Variants in DPP9 observed in about 807,000 individuals in gnomAD.
The protein encoded by DPP9 is dipeptidyl peptidase IV-related protein-2.
Under a neutral mutation model 110.7 loss-of-function variants are expected in DPP9, and 50 were observed. The observed-to-expected ratio is 0.45, with a 90% CI of 0.36 to 0.57. DPP9 has a LOEUF of 0.57. DPP9 is among the 20% of genes least tolerant of loss of function. The pLI is 0.00. For synonymous variants in DPP9, 561 were observed against 514.4 expected (o/e 1.09, Z -1.23); for missense variants, 1,022 against 1,217.9 (o/e 0.84, Z 2.39).
In DPP9 at chr19:4,698,869, C is replaced by G. The variant is rs2092011687; in HGVS notation, c.1075-1218G>C. Among the ~76,000 whole-genome samples the G allele has an allele frequency of 6.6e-6, 1 of 152,104 alleles. No homozygotes were observed. The highest frequency in any genetic ancestry group is 2.1e-4 in the South Asian group (1 of 4,814). ...TGCCAGAATGCTACTGTCAAGAATGCAAAAGAAGGCCGGGTGTGGTGGCTC... is the reference window on the plus strand; with the variant it reads ...TGCCAGAATGCTACTGTCAAGAATGGAAAAGAAGGCCGGGTGTGGTGGCTC... On this transcript the variant is annotated intron_variant, in intron 10 of 21. Coordinates refer to ENST00000262960, the MANE Select transcript of DPP9 (RefSeq NM_139159.5). The surrounding 1 kb of genome is among the most constrained non-coding windows in gnomAD (Gnocchi z 4.2).
At chr19:4,690,799 G>A (rs147193343) in intron 14 of DPP9, 79 bp downstream of exon 14, 189 of 1,069,580 alleles carry the variant, frequency 1.8e-4, no homozygotes, top group Admixed American at 1.3e-3. Flanking sequence ...GTGTGTATGC[G>A]CGTGCGTGTG....
Position 4,693,223 on chromosome 19 carries a change from A to G in DPP9, c.1516+1438T>C, listed in dbSNP as rs973042129. Among the ~76,000 whole-genome samples the G allele has an allele frequency of 1.3e-5, 2 of 152,092 alleles. No individual in the cohort carries two copies. Among genetic ancestry groups the G allele is most frequent in the Non-Finnish European group, 1.5e-5 (1 of 67,974 alleles). ...AGAGAACCACCCGGCCCTGGCGTCCATGGTGTCCCTGCTCTAACTTTGAAG... is the reference window on the plus strand; with the variant it reads ...AGAGAACCACCCGGCCCTGGCGTCCGTGGTGTCCCTGCTCTAACTTTGAAG... On this transcript the variant is annotated intron_variant, in intron 13 of 21. Coordinates refer to ENST00000262960, the MANE Select transcript of DPP9 (RefSeq NM_139159.5). The surrounding 1 kb of genome is among the most constrained non-coding windows in gnomAD (Gnocchi z 5.0).
In DPP9 at chr19:4,694,091, TCTAA is replaced by T. The variant is rs750652188; in HGVS notation, c.1516+566_1516+569del. The stretch of plus-strand genomic sequence containing the variant: ...CGCACATCACACCAGAGGCAGCACC[TCTAA>T]CTGTTTCTGGAATACTGCCTCCTCC... On this transcript the variant is annotated intron_variant, in intron 13 of 21. Coordinates refer to ENST00000262960, the MANE Select transcript of DPP9 (RefSeq NM_139159.5). This position sits in a 1 kb window ranked among gnomAD's most constrained non-coding sequence, Gnocchi z 4.0. Among the ~76,000 whole-genome samples the T allele has an allele frequency of 2.6e-5, 4 of 150,978 alleles. 1 individual carries two copies. The highest frequency in any genetic ancestry group is 4.5e-5 in the Non-Finnish European group (3 of 67,286).
chr19:4,696,530 G>C (rs1488342796), intron 11 of DPP9, among the ~76,000 whole-genome samples: 3 of 152,016 alleles, frequency 2.0e-5, no homozygotes, highest in Non-Finnish European at 2.9e-5. Context: ...GGAAGCCGAG[G>C]GGGGCGGATC....
chr19:4,683,253 T>G, intron 19 of DPP9: 1 of 1,430,922 alleles, frequency 7.0e-7, no homozygotes, highest in Admixed American at 2.8e-5. Context: ...GGCGGGGTTT[T>G]GTGCAGCCGG....
intron 14 of DPP9, among the ~76,000 whole-genome samples, chr19:4,690,218 G>C (rs983836323): frequency 6.6e-6 from 1 of 152,252 alleles, no homozygotes; most frequent in Non-Finnish European, 1.5e-5. Context: ...CCTGCACTGC[G>C]TGGAGCAGCG....
rs781467741 is a variant in DPP9 at position 4,694,604 on chromosome 19, A to G, written c.1516+57T>C. 3 of 1,566,494 alleles carry G rather than the reference A, an allele frequency of 1.9e-6. No homozygotes were observed. The highest frequency in any genetic ancestry group is 2.6e-6 in the Non-Finnish European group (3 of 1,153,608). ...GGGCCGACCAATGAACAAACAGCAT[A>G]TTGAACCACACGTGACTAACGCGAT... On this transcript the variant is annotated intron_variant, in intron 13 of 21. Transcript: ENST00000262960. This position sits in a 1 kb window ranked among gnomAD's most constrained non-coding sequence, Gnocchi z 4.0.
At chr19:4,688,572 C>T (rs1285568917) in intron 16 of DPP9, 185 bp downstream of exon 16, 3 of 761,652 alleles carry the variant, frequency 3.9e-6, no homozygotes, top group African/African-American at 3.7e-5. Context: ...AGGACCGTCT[C>T]GGACGGCAGG....
At position 4,676,521 on chromosome 19, in the gene DPP9, G is replaced by T; in HGVS notation, c.*43C>A. On this transcript the variant is annotated 3_prime_UTR_variant, in exon 22 of 22. Coordinates refer to ENST00000262960, the MANE Select transcript of DPP9 (RefSeq NM_139159.5). This position sits in a 1 kb window ranked among gnomAD's most constrained non-coding sequence, Gnocchi z 4.0. Reference sequence around the variant, plus strand: ...TCCCGCCTGGTTCCCCGCGGAGGCTGCAGCCACTTGTGCTGTGATGTGGCG... The same window carrying T: ...TCCCGCCTGGTTCCCCGCGGAGGCTTCAGCCACTTGTGCTGTGATGTGGCG... 1 of 1,530,216 alleles carries T rather than the reference G, an allele frequency of 6.5e-7. No individual in the cohort carries two copies. 94.8% of individuals were successfully genotyped at this position (1,530,216 alleles called of 1,614,324 possible). A position where few individuals can be genotyped will look rare whatever the true frequency, so the allele number is the denominator to read the frequency against.
At chr19:4,719,326 T>TTTAAATAAA (rs1555721561) in intron 3 of DPP9, 3 of 141,838 alleles carry the variant, frequency 2.1e-5, no homozygotes, top group Non-Finnish European at 4.6e-5. Context: ...AGACTCCGTC[T>TTTAAATAAA]TAAATAAATA....
At chr19:4,709,241 TAAAG>T (rs1224560697) in intron 4 of DPP9, among the ~76,000 whole-genome samples, 5 of 152,002 alleles carry the variant, frequency 3.3e-5, no homozygotes, top group Admixed American at 1.3e-4. Context: ...TTTTTTTTTT[TAAAG>T]AAAGAAACAG....
In DPP9 at chr19:4,689,123, G is replaced by C. The variant is rs981336316; in HGVS notation, c.1750-231C>G. Reference sequence around the variant, plus strand: ...GGACGAGTCTGTCCCCCAGCCAGGGGCCTATGGACAGTCACCGACCGCTGG... The same window carrying C: ...GGACGAGTCTGTCCCCCAGCCAGGGCCCTATGGACAGTCACCGACCGCTGG... On this transcript the variant is annotated intron_variant, in intron 15 of 21. Transcript: ENST00000262960. The surrounding 1 kb of genome is among the most constrained non-coding windows in gnomAD (Gnocchi z 7.0). Among the ~76,000 whole-genome samples the C allele has an allele frequency of 5.3e-5, 8 of 152,194 alleles. No individual in the cohort carries two copies. The highest frequency in any genetic ancestry group is 1.9e-4 in the African/African-American group (8 of 41,450).
intron 14 of DPP9, among the ~76,000 whole-genome samples, chr19:4,690,523 C>T (rs972260321): frequency 2.6e-5 from 4 of 152,312 alleles, no homozygotes; most frequent in Admixed American, 6.5e-5. Flanking sequence ...GGCAGCTGGA[C>T]GCATGGCCCC....
At position 4,704,217 on chromosome 19, in the gene DPP9, C is replaced by A. The variant is rs377360311; in HGVS notation, c.514G>T (p.Asp172Tyr). 1 of 1,613,990 alleles carries A rather than the reference C, an allele frequency of 6.2e-7. No homozygotes were observed. The highest frequency in any genetic ancestry group is 1.7e-5 in the Admixed American group (1 of 60,022). ...AAGAGGCCACTCTCGCTGTGGAAGT[C>A]GTAGGAGGTGATGCCGAAGACCCCC... ...RLGVFGITSY[D>Y]FHSESGLFLF... The change falls in exon 6 of 22, where the codon GAC (aspartate) becomes TAC (tyrosine). Residue 172 changes from aspartate (D) to tyrosine (Y), a missense_variant. Asp to Tyr is a radical substitution (Grantham distance 160). Transcript: ENST00000262960. This position sits in a 1 kb window ranked among gnomAD's most constrained non-coding sequence, Gnocchi z 6.0.
chr19:4,694,601 C>A lies in DPP9; in HGVS notation c.1516+60G>T, dbSNP rs755348329. 23 of 1,559,446 alleles carry A rather than the reference C, an allele frequency of 1.5e-5. No individual in the cohort carries two copies. The highest frequency in any genetic ancestry group is 1.9e-5 in the Admixed American group (1 of 53,152). On this transcript the variant is annotated intron_variant, in intron 13 of 21. Coordinates refer to ENST00000262960, the MANE Select transcript of DPP9 (RefSeq NM_139159.5). This position sits in a 1 kb window ranked among gnomAD's most constrained non-coding sequence, Gnocchi z 4.0. ...GGGGGGCCGACCAATGAACAAACAG[C>A]ATATTGAACCACACGTGACTAACGC...
intron 3 of DPP9, 39 bp from the exon 4 acceptor site, chr19:4,714,376 G>C (rs1568332896): frequency 6.9e-7 from 1 of 1,458,276 alleles, no homozygotes; most frequent in Admixed American, 2.5e-5. Flanking sequence ...AAGGAGAACT[G>C]TTTTACCTAC....
At position 4,685,652 on chromosome 19, in the gene DPP9, C is replaced by T. The variant is rs772138491; in HGVS notation, c.2005G>A (p.Val669Ile). Residue 669 changes from valine (V) to isoleucine (I), a missense_variant, in exon 17 of 22, where the codon GTC (valine) becomes ATC (isoleucine). Physicochemically the swap from Val to Ile is conservative, Grantham distance 29. This residue lies in a region of DPP9 where 810 missense variants were observed against 920.6 expected (regional missense o/e 0.88). Transcript: ENST00000262960. This position sits in a 1 kb window ranked among gnomAD's most constrained non-coding sequence, Gnocchi z 5.8. ...TGGGGGCCTCCATATACAAAGAGGA[C>T]GGTGGGGTGCTTCTTCCCTGGCTGC... ...ALQPGKKHPT[V>I]LFVYGGPQVQ... 30 of 1,610,360 alleles carry T rather than the reference C, an allele frequency of 1.9e-5. No individual in the cohort carries two copies. The highest frequency in any genetic ancestry group is 2.7e-5 in the African/African-American group (2 of 74,864).
intron 3 of DPP9, among the ~76,000 whole-genome samples, chr19:4,714,829 C>T (rs2092999966): frequency 6.6e-6 from 1 of 151,946 alleles, no homozygotes; most frequent in South Asian, 2.1e-4. Context: ...AGGCTGCTGT[C>T]GACCCCTGCC....
intron 7 of DPP9, among the ~76,000 whole-genome samples, chr19:4,702,930 C>T (rs1599920526): frequency 6.9e-6 from 1 of 144,914 alleles, no homozygotes; most frequent in South Asian, 2.2e-4. Flanking sequence ...GACACTGGGG[C>T]CCTCTTGGTC....
Sources: allele counts gnomAD v4.1 joint callset (sites outside exome capture counted in the v4.1 genomes callset), GRCh38; gene constraint gnomAD v4.1.1; regional missense constraint gnomAD v4.1.1; non-coding constraint Gnocchi (gnomAD v3.1); transcripts MANE v1.5; gene names NCBI Gene and HGNC (gene_info 2026-07-23, HGNC 2026-07-21).